Variants in ZDHHC15 observed in about 807,000 individuals in gnomAD.
ZDHHC15 encodes the protein zDHHC palmitoyltransferase 15, also known as palmitoyltransferase ZDHHC15.
ZDHHC15 carries 19 observed loss-of-function variants against 31.7 expected under a neutral mutation model. The observed-to-expected ratio is 0.60, with a 90% confidence interval of 0.42 to 0.88. The LOEUF is 0.88. ZDHHC15 is among the 40% of genes least tolerant of loss of function. The pLI is 0.00. For missense variants in ZDHHC15, 209 were observed against 251.2 expected, an observed-to-expected ratio of 0.83 and a Z score of 1.14; for synonymous variants, 103 against 90.0, an observed-to-expected ratio of 1.14 and a Z score of -0.82.
chrX:75,394,085 T>A (rs1409110026), intron 10 of ZDHHC15, among the ~76,000 whole-genome samples: 4 of 111,672 alleles, frequency 3.6e-5, no homozygotes, highest in Non-Finnish European at 7.5e-5. Flanking sequence ...GGCAACACCA[T>A]CACAGACACA....
intron 10 of ZDHHC15, among the ~76,000 whole-genome samples, chrX:75,385,978 C>T (rs997488998): frequency 2.7e-5 from 3 of 111,991 alleles, no homozygotes; most frequent in Non-Finnish European, 3.8e-5. Flanking sequence ...ATTGCCTGAA[C>T]ACCCCTTCTG....
intron 4 of ZDHHC15, among the ~76,000 whole-genome samples, chrX:75,434,385 T>A (rs2083822699): frequency 8.9e-6 from 1 of 112,111 alleles, no homozygotes. Context: ...TGCCTTTGGG[T>A]TCTTGGTCAT....
At chrX:75,412,509 G>GCAACTT (rs2083496206) in intron 10 of ZDHHC15, among the ~76,000 whole-genome samples, 1 of 110,128 alleles carries the variant, frequency 9.1e-6, no homozygotes, top group East Asian at 2.8e-4. Flanking sequence ...TTGGCTTACT[G>GCAACTT]CAACCTCCAC....
At chrX:75,509,824 AAATT>A (rs1471897913) in intron 1 of ZDHHC15, among the ~76,000 whole-genome samples, 5 of 112,747 alleles carry the variant, frequency 4.4e-5, no homozygotes, top group African/African-American at 1.6e-4. Flanking sequence ...CTACAAAAAT[AAATT>A]GTTTAGTGAG....
At chrX:75,490,707 G>A (rs4271122) in intron 2 of ZDHHC15, among the ~76,000 whole-genome samples, 64,361 of 109,952 alleles carry the variant, frequency 0.59, 16,884 homozygotes, top group Non-Finnish European at 0.82. Flanking sequence ...GGTCTTTCAC[G>A]TCCGTTGTAA....
At chrX:75,383,251 T>C (rs756887995) in intron 10 of ZDHHC15, among the ~76,000 whole-genome samples, 1 of 112,411 alleles carries the variant, frequency 8.9e-6, no homozygotes, top group Non-Finnish European at 1.9e-5. Context: ...TGGCACATAA[T>C]TGGCATTCAA....
intron 1 of ZDHHC15, among the ~76,000 whole-genome samples, chrX:75,517,986 C>G (rs1323766524): frequency 9.2e-6 from 1 of 108,825 alleles, no homozygotes; most frequent in Non-Finnish European, 1.9e-5. Flanking sequence ...CAAAAAAAAA[C>G]AAAAAACAAA....
chrX:75,434,371 C>T lies in ZDHHC15; in HGVS notation c.380-2851G>A, dbSNP rs181816212. On this transcript the variant is annotated intron_variant, in intron 4 of 11. Coordinates refer to ENST00000373367, the MANE Select transcript of ZDHHC15 (RefSeq NM_144969.3). ...CATCAATTTATCTTTGTTGGTGTTGCATTTGCCTTTGGGTTCTTGGTCATG... is the reference window on the plus strand; with the variant it reads ...CATCAATTTATCTTTGTTGGTGTTGTATTTGCCTTTGGGTTCTTGGTCATG... 4.5e-5 allele frequency among the ~76,000 whole-genome samples: 5 copies of T among 111,903 alleles called. No individual in the cohort carries two copies. The Admixed American group carries it at 4.8e-4, about 11-fold the overall frequency.
intron 10 of ZDHHC15, among the ~76,000 whole-genome samples, chrX:75,392,523 T>C (rs1034654876): frequency 8.9e-6 from 1 of 112,045 alleles, no homozygotes; most frequent in Non-Finnish European, 1.9e-5. Context: ...TTTTGTCAAC[T>C]TGAACCCATA....
chrX:75,491,268 C>A (rs2084885099), intron 2 of ZDHHC15, among the ~76,000 whole-genome samples: 1 of 110,130 alleles, frequency 9.1e-6, no homozygotes. Context: ...AAATGTGGCA[C>A]ATATACACCA....
intron 3 of ZDHHC15, among the ~76,000 whole-genome samples, chrX:75,455,925 C>T (rs1200995293): frequency 9.0e-6 from 1 of 111,526 alleles, no homozygotes; most frequent in African/African-American, 3.3e-5. Flanking sequence ...CTAGTTCAAC[C>T]ATTTTGGAAG....
intron 2 of ZDHHC15, among the ~76,000 whole-genome samples, chrX:75,496,909 A>G (rs758890882): frequency 5.3e-4 from 59 of 111,568 alleles, no homozygotes; most frequent in Middle Eastern, 4.6e-3. Flanking sequence ...GTGCAAACAA[A>G]CAATCTAAGC....
At chrX:75,422,591 T>A (rs982951763) in intron 8 of ZDHHC15, among the ~76,000 whole-genome samples, 1 of 111,245 alleles carries the variant, frequency 9.0e-6, no homozygotes, top group African/African-American at 3.3e-5. Flanking sequence ...TAGACACACA[T>A]TTATCCCATT....
At chrX:75,520,803 T>C (rs780004139) in intron 1 of ZDHHC15, among the ~76,000 whole-genome samples, 1 of 111,635 alleles carries the variant, frequency 9.0e-6, no homozygotes, top group South Asian at 3.8e-4. Context: ...GACATTTATT[T>C]TAAGAGCTCT....
chrX:75,432,990 T>TA (rs371713459), intron 4 of ZDHHC15, among the ~76,000 whole-genome samples: 1,690 of 103,228 alleles, frequency 0.016, 24 homozygotes, highest in African/African-American at 0.043. Context: ...TTTCTAAAAA[T>TA]AAAAAAAAAA....
At chrX:75,501,649 C>T (rs2085089186) in intron 2 of ZDHHC15, 1 of 110,677 alleles carries the variant, frequency 9.0e-6, no homozygotes, top group African/African-American at 3.3e-5. Context: ...AGTAGCCATT[C>T]TGAGATGGTA....
intron 4 of ZDHHC15, among the ~76,000 whole-genome samples, chrX:75,445,120 C>T (rs1427902674): frequency 9.0e-6 from 1 of 111,185 alleles, no homozygotes; most frequent in Non-Finnish European, 1.9e-5. Context: ...TGAGCTAATT[C>T]CTCAATGTAA....
chrX:75,368,657 C>T lies in ZDHHC15; in HGVS notation c.*4321G>A, dbSNP rs1359032724. 9.0e-6 allele frequency: 1 copy of T among 111,589 alleles called. No individual in the cohort carries two copies. Among genetic ancestry groups the T allele is most frequent in the African/African-American group, 3.3e-5 (1 of 30,723 alleles). 9.2% of individuals were successfully genotyped at this position (111,589 alleles called of 1,213,427 possible). ...TTACCAAGACCCACTGCCAGCTTTC[C>T]TTTTATGTTCCTTCACTGATTAAGC... On this transcript the variant is annotated 3_prime_UTR_variant, in exon 12 of 12. Coordinates refer to ENST00000373367, the MANE Select transcript of ZDHHC15 (RefSeq NM_144969.3).
chrX:75,444,712 A>ACACACAC (rs1569332752), intron 4 of ZDHHC15, among the ~76,000 whole-genome samples: 3 of 94,291 alleles, frequency 3.2e-5, no homozygotes, highest in South Asian at 5.4e-4. Context: ...ACACACACAC[A>ACACACAC]AATTTATGTA....
Sources: gnomAD v4.1 joint callset for allele counts (sites outside exome capture counted in the v4.1 genomes callset) on GRCh38, gnomAD v4.1.1 for gene constraint, MANE v1.5 for transcripts, NCBI Gene and HGNC (gene_info 2026-07-23, HGNC 2026-07-21) for gene names.